NELL1: variants seen among roughly 807,000 people sequenced by gnomAD.
NELL1 encodes the protein neural EGFL like 1.
Under a neutral mutation model 107.4 loss-of-function variants are expected in NELL1, and 76 were observed. The observed-to-expected ratio is 0.71, with a 90% CI of 0.59 to 0.86. NELL1 has a LOEUF of 0.86. Ranked by LOEUF, NELL1 falls within the 40% of genes least tolerant of loss-of-function variation. The pLI is 0.00. For synonymous variants in NELL1, 353 were observed against 341.2 expected (o/e 1.03, Z -0.38); for missense variants, 1,024 against 1,005.5 (o/e 1.02, Z -0.25).
rs1855590878 is a variant in NELL1, at chr11:21,130,493, T to C, written c.1426+16779T>C. Among the ~76,000 whole-genome samples the C allele has an allele frequency of 2.0e-5, 3 of 152,322 alleles. No individual in the cohort carries two copies. In the South Asian group the frequency reaches 6.2e-4, roughly 32 times the overall value. On this transcript the variant is annotated intron_variant, in intron 13 of 19. Transcript: ENST00000357134. ...CAGCATTTAGGAAATTCAGTACCCA[T>C]GTCCCATGTCTGATAACAAGGCCTC...
intron 4 of NELL1, among the ~76,000 whole-genome samples, chr11:20,857,578 G>C (rs1250477956): frequency 2.0e-5 from 3 of 152,206 alleles, no homozygotes; most frequent in African/African-American, 7.2e-5. Context: ...CACTGAAGCA[G>C]CTGGAAGGAC....
intron 2 of NELL1, among the ~76,000 whole-genome samples, chr11:20,767,304 G>C (rs1856552687): frequency 6.6e-6 from 1 of 152,198 alleles, no homozygotes; most frequent in African/African-American, 2.4e-5. Flanking sequence ...GGTTGCTGCT[G>C]CTGGCTGGGG....
chr11:21,282,249 T>A (rs1849014031), intron 14 of NELL1, among the ~76,000 whole-genome samples: 1 of 152,074 alleles, frequency 6.6e-6, no homozygotes, highest in South Asian at 2.1e-4. Flanking sequence ...TATGAAAAGG[T>A]GTTCATCACT....
intron 15 of NELL1, among the ~76,000 whole-genome samples, chr11:21,446,730 C>T (rs758063497): frequency 2.2e-4 from 34 of 152,222 alleles, no homozygotes; most frequent in Non-Finnish European, 8.8e-5. Context: ...CTGAAGCCAG[C>T]ACAGCACTGG....
At chr11:20,997,023 CA>C (rs886690698) in intron 12 of NELL1, among the ~76,000 whole-genome samples, 2 of 151,226 alleles carry the variant, frequency 1.3e-5, no homozygotes, top group African/African-American at 2.4e-5. Context: ...TTTGCTTTTG[CA>C]AAAAAACTTT....
chr11:20,996,764 AATTC>A (rs1852099236), intron 12 of NELL1, among the ~76,000 whole-genome samples: 1 of 152,080 alleles, frequency 6.6e-6, no homozygotes, highest in African/African-American at 2.4e-5. Flanking sequence ...TTGAGTAGCA[AATTC>A]TTTGTTCTTT....
At chr11:21,065,674 G>A (rs1038627215) in intron 12 of NELL1, among the ~76,000 whole-genome samples, 2 of 152,156 alleles carry the variant, frequency 1.3e-5, no homozygotes, top group Non-Finnish European at 1.5e-5. Flanking sequence ...ATTCTAAGGG[G>A]ACACTGCTCA....
At chr11:20,736,287 G>A (rs1855759243) in intron 2 of NELL1, among the ~76,000 whole-genome samples, 1 of 152,110 alleles carries the variant, frequency 6.6e-6, no homozygotes, top group Non-Finnish European at 1.5e-5. Context: ...AGAGGGCAGG[G>A]CAGGAGAAAG....
intron 14 of NELL1, among the ~76,000 whole-genome samples, chr11:21,282,169 C>T (rs889107495): frequency 3.3e-5 from 5 of 152,032 alleles, no homozygotes; most frequent in Admixed American, 3.3e-4. Flanking sequence ...ATCTAACAAT[C>T]TAATTAAAAA....
intron 17 of NELL1, among the ~76,000 whole-genome samples, chr11:21,567,922 AAGATG>A (rs1465477819): frequency 2.0e-5 from 3 of 151,994 alleles, no homozygotes; most frequent in South Asian, 2.1e-4. Context: ...CCAACTGCCC[AAGATG>A]AGATAAGGCT....
intron 16 of NELL1, among the ~76,000 whole-genome samples, chr11:21,543,234 T>C (rs187057895): frequency 1.3e-5 from 2 of 152,094 alleles, no homozygotes; most frequent in South Asian, 2.1e-4. Flanking sequence ...TACTTCAAAA[T>C]TGTTGTTTCC....
At chr11:21,517,789 C>T (rs559216075) in intron 15 of NELL1, among the ~76,000 whole-genome samples, 1 of 152,148 alleles carries the variant, frequency 6.6e-6, no homozygotes, top group South Asian at 2.1e-4. Flanking sequence ...CATAATCTAC[C>T]CTCTCAACAG....
chr11:21,018,949 C>G (rs1370029895), intron 12 of NELL1, among the ~76,000 whole-genome samples: 1 of 152,122 alleles, frequency 6.6e-6, no homozygotes, highest in South Asian at 2.1e-4. Flanking sequence ...TCCCACTCCA[C>G]TCAAGATGAT....
intron 13 of NELL1, among the ~76,000 whole-genome samples, chr11:21,133,048 C>T (rs573465121): frequency 6.6e-6 from 1 of 152,010 alleles, no homozygotes; most frequent in South Asian, 2.1e-4. Flanking sequence ...ACCCATAGTG[C>T]GGGTCTTAGA....
At chr11:21,141,887 C>T (rs1247104712) in intron 13 of NELL1, among the ~76,000 whole-genome samples, 1 of 152,146 alleles carries the variant, frequency 6.6e-6, no homozygotes, top group Non-Finnish European at 1.5e-5. Flanking sequence ...CCTAAGCCTC[C>T]GGAGTAGCTG....
At chr11:20,856,403 C>T (rs1848883249) in intron 4 of NELL1, among the ~76,000 whole-genome samples, 1 of 152,170 alleles carries the variant, frequency 6.6e-6, no homozygotes, top group African/African-American at 2.4e-5. Flanking sequence ...CATGTCGCAT[C>T]CCTACTCATT....
rs946736729 is a variant in NELL1 at position 21,084,256 on chromosome 11, A to G, written c.1301-29333A>G. On this transcript the variant is annotated intron_variant, in intron 12 of 19. Coordinates refer to ENST00000357134, the MANE Select transcript of NELL1 (RefSeq NM_006157.5). ...CATATGTGCATCAATGTTAGTGTCA[A>G]AGATAGTTTATGTATGCATCATCTC... Among the ~76,000 whole-genome samples, 12 of 152,290 alleles carry G rather than the reference A, an allele frequency of 7.9e-5. No homozygotes were observed. In the East Asian group the frequency reaches 2.3e-3, roughly 29 times the overall value.
intron 2 of NELL1, among the ~76,000 whole-genome samples, chr11:20,710,978 TTTTTG>T (rs1855098971): frequency 6.6e-6 from 1 of 152,104 alleles, no homozygotes; most frequent in Non-Finnish European, 1.5e-5. Flanking sequence ...AAGAATCAGC[TTTTTG>T]TTTTATTTAT....
chr11:21,463,975 A>G (rs1401518936), intron 15 of NELL1, among the ~76,000 whole-genome samples: 2 of 152,110 alleles, frequency 1.3e-5, no homozygotes, highest in African/African-American at 4.8e-5. Flanking sequence ...ACTCTGGAAC[A>G]GAGCAAATAT....
Sources: gnomAD v4.1 joint callset for allele counts (sites outside exome capture counted in the v4.1 genomes callset) on GRCh38, gnomAD v4.1.1 for gene constraint, MANE v1.5 for transcripts, NCBI Gene and HGNC (gene_info 2026-07-23, HGNC 2026-07-21) for gene names.